DLG2: variants seen among roughly 807,000 people sequenced by gnomAD.
DLG2 encodes disks large homolog 2.
Under a neutral mutation model 132.5 loss-of-function variants are expected in DLG2, and 45 were observed. The observed-to-expected ratio is 0.34, with a 90% CI of 0.27 to 0.44. The LOEUF is 0.44. DLG2 is among the 20% of genes least tolerant of loss of function. The pLI is 1.00. For missense variants in DLG2, 1,045 were observed against 1,196.9 expected (o/e 0.87, Z 1.87); for synonymous variants, 424 against 419.6 (o/e 1.01, Z -0.13).
At chr11:85,530,591 G>C (rs939890211) in intron 3 of DLG2, among the ~76,000 whole-genome samples, 1 of 152,094 alleles carries the variant, frequency 6.6e-6, no homozygotes, top group African/African-American at 2.4e-5. Context: ...AAAGTCCTGG[G>C]ATTACAGGTA....
chr11:83,976,061 T>C (rs766122449), intron 12 of DLG2, among the ~76,000 whole-genome samples: 2 of 151,776 alleles, frequency 1.3e-5, no homozygotes, highest in Non-Finnish European at 2.9e-5. Context: ...TAAGAAGAAT[T>C]TCAGGGAGAA....
At chr11:85,018,246 G>A (rs922177315) in intron 6 of DLG2, among the ~76,000 whole-genome samples, 1 of 152,152 alleles carries the variant, frequency 6.6e-6, no homozygotes, top group African/African-American at 2.4e-5. Flanking sequence ...TAGGAAGACA[G>A]CTATTTAGGA....
chr11:85,250,937 T>C (rs2152694913), intron 4 of DLG2, among the ~76,000 whole-genome samples: 1 of 152,304 alleles, frequency 6.6e-6, no homozygotes, highest in East Asian at 1.9e-4. Context: ...ATATTTTCCT[T>C]GTACAGGGTG....
rs10635194 is a variant in DLG2, at chr11:83,668,867, A to AT, written c.1826-35543dup. 7.7e-3 allele frequency among the ~76,000 whole-genome samples: 850 copies of AT among 110,374 alleles called. 69 individuals carry two copies. Among genetic ancestry groups the AT allele is most frequent in the African/African-American group, 0.026 (735 of 28,172 alleles). 72.4% of individuals were successfully genotyped at this position (110,374 alleles called of 152,430 possible). ...CACACACACATATATATATATATAT[A>AT]TTTTTTTTTTATGATAGACTATGAG... On this transcript the variant is annotated intron_variant, in intron 18 of 27. Coordinates refer to ENST00000376104, the MANE Select transcript of DLG2 (RefSeq NM_001142699.3).
chr11:84,486,693 T>C (rs2099151869), intron 7 of DLG2, among the ~76,000 whole-genome samples: 1 of 152,126 alleles, frequency 6.6e-6, no homozygotes, highest in African/African-American at 2.4e-5. Flanking sequence ...GAGTAATGTA[T>C]GTATCAGCCA....
intron 21 of DLG2, among the ~76,000 whole-genome samples, chr11:83,511,050 T>C (rs2094992700): frequency 1.6e-5 from 2 of 123,240 alleles, no homozygotes; most frequent in African/African-American, 6.2e-5. Context: ...AAAAACCCTC[T>C]CTGTCTTCCT....
At chr11:84,451,146 A>T (rs2099050468) in intron 7 of DLG2, among the ~76,000 whole-genome samples, 1 of 151,946 alleles carries the variant, frequency 6.6e-6, no homozygotes, top group African/African-American at 2.4e-5. Flanking sequence ...CTGTAAGACG[A>T]AGGAAAAATT....
At position 85,426,200 on chromosome 11, in the gene DLG2, T is replaced by C. The variant is rs115953139; in HGVS notation, c.41-140835A>G. Among the ~76,000 whole-genome samples the C allele has an allele frequency of 3.0e-3, 463 of 152,140 alleles. 1 individual carries two copies. The highest frequency in any genetic ancestry group is 0.011 in the African/African-American group (446 of 41,550). On this transcript the variant is annotated intron_variant, in intron 3 of 27. Transcript: ENST00000376104. ...GAGGCCTGCCTACCTCTGTAGACTC[T>C]ACCTCTGGGGGCAGGGCACAGCCAA...
chr11:83,634,166 T>C (rs1173441116), intron 18 of DLG2, among the ~76,000 whole-genome samples: 3 of 152,128 alleles, frequency 2.0e-5, no homozygotes, highest in East Asian at 1.9e-4. Flanking sequence ...ACCTCAATTT[T>C]GTCCTATAGC....
intron 6 of DLG2, among the ~76,000 whole-genome samples, chr11:84,891,811 C>T (rs1041906984): frequency 1.3e-5 from 2 of 152,144 alleles, no homozygotes; most frequent in Non-Finnish European, 2.9e-5. Context: ...GATATGTGAA[C>T]AGCCCTGTGA....
At chr11:84,026,894 T>A (rs2095548889) in intron 11 of DLG2, among the ~76,000 whole-genome samples, 1 of 152,168 alleles carries the variant, frequency 6.6e-6, no homozygotes, top group African/African-American at 2.4e-5. Flanking sequence ...TGTGTACAAC[T>A]TTGGCATTAA....
intron 21 of DLG2, among the ~76,000 whole-genome samples, chr11:83,501,523 T>A (rs201521799): frequency 2.2e-3 from 335 of 152,326 alleles, no homozygotes; most frequent in Non-Finnish European, 3.8e-3. Context: ...TTTCTTCATA[T>A]ATAAAAGACA....
intron 7 of DLG2, chr11:84,437,353 C>T (rs374257280): frequency 2.0e-5 from 3 of 152,168 alleles, no homozygotes; most frequent in East Asian, 1.9e-4. Flanking sequence ...GTTGGCAAAC[C>T]GGAAAGGTAA....
intron 7 of DLG2, among the ~76,000 whole-genome samples, chr11:84,522,221 A>G: frequency 6.6e-6 from 1 of 152,102 alleles, no homozygotes; most frequent in Non-Finnish European, 1.5e-5. Flanking sequence ...ATTTATTCAC[A>G]TGTAATATGA....
In DLG2 at chr11:83,760,951, G is replaced by A. The variant is rs541522648; in HGVS notation, c.1825+25739C>T. Among the ~76,000 whole-genome samples the A allele has an allele frequency of 1.5e-3, 235 of 152,180 alleles. 1 individual carries two copies. Among genetic ancestry groups the A allele is most frequent in the African/African-American group, 5.3e-3 (222 of 41,512 alleles). On this transcript the variant is annotated intron_variant, in intron 18 of 27. Coordinates refer to ENST00000376104, the MANE Select transcript of DLG2 (RefSeq NM_001142699.3). The stretch of plus-strand genomic sequence containing the variant: ...CTTTGAATGTACCTCATTGTCTTAA[G>A]GTATAAGACAATGAGCAGAAGATAC...
At chr11:84,309,109 A>G (rs1488373241) in intron 7 of DLG2, among the ~76,000 whole-genome samples, 1 of 152,184 alleles carries the variant, frequency 6.6e-6, no homozygotes, top group Non-Finnish European at 1.5e-5. Flanking sequence ...CATTACTACC[A>G]GGTTAATGAA....
chr11:84,374,502 C>G (rs1463768021), intron 7 of DLG2, among the ~76,000 whole-genome samples: 7 of 152,090 alleles, frequency 4.6e-5, no homozygotes, highest in African/African-American at 1.4e-4. Context: ...TTTAGCCCAT[C>G]AGCTGTCATT....
intron 6 of DLG2, among the ~76,000 whole-genome samples, chr11:84,987,391 T>G (rs1373151591): frequency 6.6e-6 from 1 of 151,920 alleles, no homozygotes; most frequent in Admixed American, 6.6e-5. Flanking sequence ...AATAACATCA[T>G]CATTCCTCAC....
At chr11:84,567,064 T>C (rs2099459377) in intron 6 of DLG2, among the ~76,000 whole-genome samples, 1 of 152,178 alleles carries the variant, frequency 6.6e-6, no homozygotes, top group African/African-American at 2.4e-5. Context: ...TCCAGTGGTA[T>C]GCTTACTACA....
Sources: gnomAD v4.1 joint callset for allele counts (sites outside exome capture counted in the v4.1 genomes callset) on GRCh38, gnomAD v4.1.1 for gene constraint, MANE v1.5 for transcripts, NCBI Gene and HGNC (gene_info 2026-07-23, HGNC 2026-07-21) for gene names.